Variants in KIF15 observed in about 807,000 individuals in gnomAD.
KIF15 encodes the protein kinesin-like protein KIF15.
KIF15 carries 140 observed loss-of-function variants against 190.6 expected under a neutral mutation model. The observed-to-expected ratio is 0.73, with a 90% CI of 0.64 to 0.84. The LOEUF (loss-of-function observed/expected upper bound fraction) is 0.84, where lower values mean the gene tolerates loss of function less well. Among genes scored for constraint, KIF15 ranks in the 40% least tolerant of loss-of-function variants. The probability of loss-of-function intolerance (pLI) is 0.00; values close to 1 mark genes in which losing one functional copy is unlikely to be tolerated. For synonymous variants in KIF15, 528 were observed against 551.3 expected (o/e 0.96, Z 0.59); for missense variants, 1,372 against 1,584.4 (o/e 0.87, Z 2.28).
At chr3:44,780,703 G>C (rs1021663850) in intron 4 of KIF15, among the ~76,000 whole-genome samples, 182 bp from the exon 5 acceptor site, 1 of 152,178 alleles carries the variant, frequency 6.6e-6, no homozygotes, top group Non-Finnish European at 1.5e-5. Flanking sequence ...ACAGCAGTTA[G>C]CTCTTTGTAG....
intron 13 of KIF15, 95 bp from the exon 14 acceptor site, chr3:44,802,719 G>T: frequency 8.0e-7 from 1 of 1,255,338 alleles, no homozygotes; most frequent in Non-Finnish European, 1.1e-6. Context: ...AGTAGTGCAT[G>T]TGCATACCTA....
intron 15 of KIF15, among the ~76,000 whole-genome samples, chr3:44,805,414 T>TATTTAA (rs1378036694): frequency 6.6e-6 from 1 of 152,226 alleles, no homozygotes; most frequent in Non-Finnish European, 1.5e-5. Context: ...CATAGTAAAT[T>TATTTAA]ATTTAAATTT....
chr3:44,867,896 CTTTG>C (rs1374794044), intron 6 of KIF15, among the ~76,000 whole-genome samples: 2 of 152,178 alleles, frequency 1.3e-5, no homozygotes, highest in African/African-American at 2.4e-5. Context: ...ATGGATTGAA[CTTTG>C]TTTGCTTGGA....
chr3:44,823,273 G>T (rs2125682848), intron 20 of KIF15, among the ~76,000 whole-genome samples: 1 of 152,292 alleles, frequency 6.6e-6, no homozygotes, highest in South Asian at 2.1e-4. Context: ...TCCCTCAGCT[G>T]CAGCTCTGTT....
Position 44,761,825 on chromosome 3 carries a change from C to T in KIF15, c.-41C>T, listed in dbSNP as rs759254088. 6.2e-7 allele frequency: 1 copy of T among 1,613,990 alleles called. No homozygotes were observed. The highest frequency in any genetic ancestry group is 1.1e-5 in the South Asian group (1 of 91,072). ...GCGCGGTGCAGTCGGGAGGTGGAGGCACCGGCTGCATTGTTTTCGGGATCG... is the reference window on the plus strand; with the variant it reads ...GCGCGGTGCAGTCGGGAGGTGGAGGTACCGGCTGCATTGTTTTCGGGATCG... On this transcript the variant is annotated 5_prime_UTR_variant, in exon 1 of 35. Coordinates refer to ENST00000326047, the MANE Select transcript of KIF15 (RefSeq NM_020242.3).
intron 26 of KIF15, among the ~76,000 whole-genome samples, chr3:44,837,446 T>C (rs1193309515): frequency 2.0e-5 from 3 of 152,212 alleles, no homozygotes; most frequent in African/African-American, 4.8e-5. Context: ...TAAATTGTGG[T>C]ACATCCATAA....
At chr3:44,864,859 C>T (rs1699303418) in intron 6 of KIF15, among the ~76,000 whole-genome samples, 2 of 152,124 alleles carry the variant, frequency 1.3e-5, no homozygotes, top group Admixed American at 1.3e-4. Context: ...GGTAGCCTCT[C>T]CACTCATGCA....
At chr3:44,857,793 G>T (rs918967397), downstream of KIF15, among the ~76,000 whole-genome samples, 1 of 152,204 alleles carries the variant, frequency 6.6e-6, no homozygotes, top group African/African-American at 2.4e-5. Context: ...GAGAGAGCAC[G>T]TATGTTTTTA....
intron 16 of KIF15, 71 bp from the exon 17 acceptor site, chr3:44,810,773 CTA>C: frequency 8.2e-7 from 1 of 1,216,620 alleles, no homozygotes. Context: ...TTTATCCTCT[CTA>C]TTCACAAAAT....
rs947138632 is a variant in KIF15, at chr3:44,840,451, C to G, written c.3415C>G (p.Pro1139Ala). 6.3e-7 allele frequency: 1 copy of G among 1,585,616 alleles called. No individual in the cohort carries two copies. The highest frequency in any genetic ancestry group is 1.2e-5 in the South Asian group (1 of 86,902). ...EHVMDSAAED[P>A]QSPKTPPHFQ... ...TGTGATGGATTCTGCTGCTGAGGATCCCCAGGTACTTTTCAGAAAAAGATT... is the reference window on the plus strand; with the variant it reads ...TGTGATGGATTCTGCTGCTGAGGATGCCCAGGTACTTTTCAGAAAAAGATT... Residue 1139 changes from proline to alanine, a missense_variant, in exon 28 of 35, where the codon CCC becomes GCC. Coordinates refer to ENST00000326047, the MANE Select transcript of KIF15 (RefSeq NM_020242.3).
At chr3:44,806,930 G>C (rs1217731009) in intron 16 of KIF15, among the ~76,000 whole-genome samples, 1 of 151,962 alleles carries the variant, frequency 6.6e-6, no homozygotes, top group East Asian at 1.9e-4. Flanking sequence ...ATTTTCAGTA[G>C]AGATGGGGTT....
intron 28 of KIF15, among the ~76,000 whole-genome samples, 159 bp downstream of exon 28, chr3:44,840,615 T>A (rs1228309286): frequency 2.0e-5 from 3 of 152,054 alleles, no homozygotes; most frequent in Non-Finnish European, 2.9e-5. Flanking sequence ...CAGTCTTTTA[T>A]TTCCTTGGAA....
At chr3:44,843,292 A>T (rs1698696180) in intron 30 of KIF15, 58 bp downstream of exon 30, 2 of 1,169,396 alleles carry the variant, frequency 1.7e-6, no homozygotes, top group African/African-American at 3.0e-5. Flanking sequence ...GTGTGGAGTT[A>T]AATGAGGTTG....
intron 30 of KIF15, 61 bp downstream of exon 30, chr3:44,843,295 TG>T (rs1698696511): frequency 5.2e-6 from 6 of 1,143,892 alleles, no homozygotes; most frequent in Non-Finnish European, 7.8e-6. Flanking sequence ...TGGAGTTAAA[TG>T]AGGTTGGAAT....
intron 16 of KIF15, among the ~76,000 whole-genome samples, chr3:44,807,514 G>A (rs1177157038): frequency 2.6e-5 from 4 of 152,012 alleles, no homozygotes; most frequent in Non-Finnish European, 4.4e-5. Context: ...GTGAGCCACC[G>A]CGCCCAGCCT....
chr3:44,849,027 C>A (rs542297251), intron 32 of KIF15, among the ~76,000 whole-genome samples: 1 of 152,308 alleles, frequency 6.6e-6, no homozygotes, highest in African/African-American at 2.4e-5. Context: ...TAAATGGCCT[C>A]ACTCTTTGAT....
intron 22 of KIF15, among the ~76,000 whole-genome samples, chr3:44,826,668 A>G (rs1325697093): frequency 6.6e-6 from 1 of 152,240 alleles, no homozygotes; most frequent in Non-Finnish European, 1.5e-5. Context: ...GTACTTTTAA[A>G]TGAATAGCAA....
intron 15 of KIF15, 142 bp downstream of exon 15, chr3:44,805,310 G>C (rs1707446351): frequency 1.3e-6 from 1 of 779,792 alleles, no homozygotes; most frequent in Non-Finnish European, 2.0e-6. Context: ...TGAAGAGAAA[G>C]AGCATGCTTC....
At position 44,851,783 on chromosome 3, in the gene KIF15, A is replaced by G; in HGVS notation, c.3807-4A>G. On this transcript the variant is annotated splice_region_variant and splice_polypyrimidine_tract_variant and intron_variant, in intron 32 of 34. Transcript: ENST00000326047. ...TACTATAAAGTGATAACCTATTCCT[A>G]CAGCCTAGAAGAAGTCCAAAGTGCC... 4 of 1,605,388 alleles carry G rather than the reference A, an allele frequency of 2.5e-6. No homozygotes were observed. Among genetic ancestry groups the G allele is most frequent in the African/African-American group, 1.3e-5 (1 of 74,462 alleles).
Sources: gnomAD v4.1 joint callset for allele counts (sites outside exome capture counted in the v4.1 genomes callset) on GRCh38, gnomAD v4.1.1 for gene constraint, MANE v1.5 for transcripts, NCBI Gene and HGNC (gene_info 2026-07-23, HGNC 2026-07-21) for gene names.